The following GFRAL variants were observed in gnomAD, a reference collection of about 807,000 sequenced individuals.
GFRAL encodes GDNF family receptor alpha like, also known as GDNF family receptor alpha-like.
Under a neutral mutation model 45.4 loss-of-function variants are expected in GFRAL, and 36 were observed. The observed-to-expected ratio is 0.79, with a 90% CI of 0.61 to 1.05. GFRAL has a LOEUF of 1.05. Among genes scored for constraint, GFRAL ranks in the 50% least tolerant of loss-of-function variants. The pLI is 0.00. For missense variants in GFRAL, 507 were observed against 467.5 expected (o/e 1.08, Z -0.78); for synonymous variants, 166 against 154.1 (o/e 1.08, Z -0.57).
At chr6:55,338,130 G>A (rs59938771) in intron 3 of GFRAL, among the ~76,000 whole-genome samples, 10,837 of 151,886 alleles carry the variant, frequency 0.071, 408 homozygotes, top group South Asian at 0.17. Flanking sequence ...TCTCTCTGTC[G>A]CCCAGGCTGG....
intron 6 of GFRAL, among the ~76,000 whole-genome samples, chr6:55,387,448 C>T (rs1485223598): frequency 2.0e-5 from 3 of 152,146 alleles, no homozygotes; most frequent in Non-Finnish European, 4.4e-5. Flanking sequence ...CATGTGTATT[C>T]TTGGCTTAAA....
chr6:55,390,895 TACACACACACAC>T (rs34769114), intron 6 of GFRAL, among the ~76,000 whole-genome samples: 8 of 135,614 alleles, frequency 5.9e-5, no homozygotes, highest in South Asian at 2.4e-4. Flanking sequence ...CTCACACACA[TACACACACACAC>T]ACACACACAC....
At chr6:55,379,431 T>C (rs1327673702) in intron 6 of GFRAL, among the ~76,000 whole-genome samples, 1 of 152,050 alleles carries the variant, frequency 6.6e-6, no homozygotes, top group African/African-American at 2.4e-5. Context: ...TTTTATTTGA[T>C]GCCTTACAAA....
chr6:55,340,584 C>T, intron 3 of GFRAL, among the ~76,000 whole-genome samples: 1 of 152,136 alleles, frequency 6.6e-6, no homozygotes, highest in East Asian at 1.9e-4. Flanking sequence ...CAGTCTACAG[C>T]TCCCAGCCTG....
At chr6:55,340,845 G>A (rs2127351915) in intron 3 of GFRAL, among the ~76,000 whole-genome samples, 1 of 152,310 alleles carries the variant, frequency 6.6e-6, no homozygotes, top group Non-Finnish European at 1.5e-5. Context: ...CTTTTCCAGT[G>A]GTCTTAGCAA....
chr6:55,397,173 GT>G (rs1157674575), intron 6 of GFRAL, among the ~76,000 whole-genome samples: 2 of 152,122 alleles, frequency 1.3e-5, no homozygotes, highest in African/African-American at 4.8e-5. Context: ...CACATTGGAG[GT>G]TTCTTAAATA....
chr6:55,373,596 T>G (rs1768482359), intron 6 of GFRAL, among the ~76,000 whole-genome samples: 1 of 152,166 alleles, frequency 6.6e-6, no homozygotes, highest in Admixed American at 6.6e-5. Context: ...CCTCTCTCTC[T>G]CTCATTTAAT....
intron 6 of GFRAL, among the ~76,000 whole-genome samples, chr6:55,396,969 C>T (rs1342802977): frequency 6.7e-6 from 1 of 149,094 alleles, no homozygotes; most frequent in Non-Finnish European, 1.5e-5. Context: ...ATCTGGAATG[C>T]CTGGGCTCAA....
intron 6 of GFRAL, among the ~76,000 whole-genome samples, chr6:55,362,839 TA>T (rs1347319611): frequency 6.7e-6 from 1 of 149,704 alleles, no homozygotes; most frequent in Non-Finnish European, 1.5e-5. Context: ...TGTGGATAAT[TA>T]AAAGAAAAAG....
rs569530002 is a variant in GFRAL at position 55,370,887 on chromosome 6, G to A, written c.952+11749G>A. Among the ~76,000 whole-genome samples the A allele has an allele frequency of 5.9e-5, 9 of 152,232 alleles. No homozygotes were observed. In the South Asian group the frequency reaches 1.9e-3, roughly 32 times the overall value. ...AATAAAGCACACAAGAGGTGGCTTGGAGCCTCAGCACATGTGTGTTTCTGT... is the reference window on the plus strand; with the variant it reads ...AATAAAGCACACAAGAGGTGGCTTGAAGCCTCAGCACATGTGTGTTTCTGT... On this transcript the variant is annotated intron_variant, in intron 6 of 8. Coordinates refer to ENST00000340465, the MANE Select transcript of GFRAL (RefSeq NM_207410.2).
chr6:55,359,678 G>GTGTGA (rs1257879222), intron 6 of GFRAL, among the ~76,000 whole-genome samples: 1 of 151,896 alleles, frequency 6.6e-6, no homozygotes, highest in Non-Finnish European at 1.5e-5. Context: ...GTGTGGTGTG[G>GTGTGA]TTCACTTCAA....
rs56029281 is a variant in GFRAL, at chr6:55,341,849, C to A, written c.316+7905C>A. The stretch of plus-strand genomic sequence containing the variant: ...TTAAATGAGCTGATGGAGCTGAAAA[C>A]CATGGCACGAGAACTACATGATGAA... On this transcript the variant is annotated intron_variant, in intron 3 of 8. Coordinates refer to ENST00000340465, the MANE Select transcript of GFRAL (RefSeq NM_207410.2). Among the ~76,000 whole-genome samples, 985 of 152,158 alleles carry A rather than the reference C, an allele frequency of 6.5e-3. 19 individuals carry two copies. The highest frequency in any genetic ancestry group is 0.022 in the African/African-American group (908 of 41,512).
intron 3 of GFRAL, among the ~76,000 whole-genome samples, chr6:55,335,257 ATCTG>A (rs1383136320): frequency 1.3e-5 from 2 of 152,108 alleles, no homozygotes; most frequent in Admixed American, 6.5e-5. Flanking sequence ...TGTGCCATCT[ATCTG>A]TCTATCTTAT....
At chr6:55,337,213 C>T (rs183337261) in intron 3 of GFRAL, among the ~76,000 whole-genome samples, 67 of 152,048 alleles carry the variant, frequency 4.4e-4, no homozygotes, top group Middle Eastern at 3.4e-3. Flanking sequence ...TTTTATATGG[C>T]GAAATTCATT....
In GFRAL at chr6:55,361,010, A is replaced by G. The variant is rs537049232; in HGVS notation, c.952+1872A>G. 7.2e-5 allele frequency among the ~76,000 whole-genome samples: 11 copies of G among 152,172 alleles called. No individual in the cohort carries two copies. The South Asian group carries it at 1.9e-3, about 26-fold the overall frequency. On this transcript the variant is annotated intron_variant, in intron 6 of 8. Coordinates refer to ENST00000340465, the MANE Select transcript of GFRAL (RefSeq NM_207410.2). ...ATAATAACAATTGTGTTCAATTTTC[A>G]TAGTGTTTGCTTACTATAACCTTTT...
At chr6:55,375,284 C>A (rs1197524746) in intron 6 of GFRAL, among the ~76,000 whole-genome samples, 2 of 152,106 alleles carry the variant, frequency 1.3e-5, no homozygotes, top group Non-Finnish European at 2.9e-5. Flanking sequence ...TTGTTTGCAT[C>A]CTCTCTGATT....
At chr6:55,391,950 T>G (rs995174942) in intron 6 of GFRAL, among the ~76,000 whole-genome samples, 42 of 152,226 alleles carry the variant, frequency 2.8e-4, no homozygotes, top group African/African-American at 9.9e-4. Context: ...TGCCTATGTT[T>G]AGTTTTTATC....
intron 6 of GFRAL, among the ~76,000 whole-genome samples, chr6:55,372,902 A>C (rs1483402943): frequency 6.6e-6 from 1 of 152,100 alleles, no homozygotes; most frequent in East Asian, 1.9e-4. Flanking sequence ...AATGTTTTTC[A>C]AATTTTTATT....
At chr6:55,383,394 G>A (rs1373653342) in intron 6 of GFRAL, among the ~76,000 whole-genome samples, 1 of 151,988 alleles carries the variant, frequency 6.6e-6, no homozygotes, top group Admixed American at 6.6e-5. Context: ...ACTGCATAAT[G>A]ATGGTGGTCC....
Sources: gnomAD v4.1 joint callset for allele counts (sites outside exome capture counted in the v4.1 genomes callset) on GRCh38, gnomAD v4.1.1 for gene constraint, MANE v1.5 for transcripts, NCBI Gene and HGNC (gene_info 2026-07-23, HGNC 2026-07-21) for gene names.